NOS1AP: variants seen among roughly 807,000 people sequenced by gnomAD.
NOS1AP encodes carboxyl-terminal PDZ ligand of neuronal nitric oxide synthase protein.
In NOS1AP, 21 loss-of-function variants were observed where a neutral mutation model predicts 56.2. That is an observed-to-expected ratio of 0.37 (90% CI 0.26 to 0.54). The LOEUF is 0.54. NOS1AP is among the 20% of genes least tolerant of loss of function. The probability of loss-of-function intolerance (pLI) is 0.84; values close to 1 mark genes in which losing one functional copy is unlikely to be tolerated. For synonymous variants in NOS1AP, 270 were observed against 274.6 expected (o/e 0.98, Z 0.17); for missense variants, 522 against 657.8 (o/e 0.79, Z 2.26).
intron 1 of NOS1AP, among the ~76,000 whole-genome samples, chr1:162,117,192 T>C (rs1647996922): frequency 6.6e-6 from 1 of 152,216 alleles, no homozygotes; most frequent in Non-Finnish European, 1.5e-5. Context: ...GCTCATTTTA[T>C]GCATTTTGTT....
At position 162,369,327 on chromosome 1, in the gene NOS1AP, C is replaced by T. The variant is rs1003410306; in HGVS notation, c.*1860C>T. The T allele has an allele frequency of 1.3e-5, 2 of 152,146 alleles. No individual in the cohort carries two copies. The highest frequency in any genetic ancestry group is 4.8e-5 in the African/African-American group (2 of 41,438). The allele number at this position is 152,146 out of a possible 1,614,324, so 9.4% of individuals were successfully genotyped here. On this transcript the variant is annotated 3_prime_UTR_variant, in exon 10 of 10. Coordinates refer to ENST00000361897, the MANE Select transcript of NOS1AP (RefSeq NM_014697.3). ...GAAGGAAGAACCAGGAAAGTGAGAT[C>T]CATGAAACTAAATGAGCAGCTGTCA...
chr1:162,350,264 TTGTCA>T (rs1657448969), intron 6 of NOS1AP, among the ~76,000 whole-genome samples: 1 of 152,254 alleles, frequency 6.6e-6, no homozygotes, highest in Non-Finnish European at 1.5e-5. Context: ...AAGTGCTGTC[TTGTCA>T]TGTCTTTTCA....
chr1:162,252,043 CTTTTTGTTTTT>C (rs532371459), intron 2 of NOS1AP, among the ~76,000 whole-genome samples: 3 of 151,454 alleles, frequency 2.0e-5, no homozygotes, highest in Non-Finnish European at 4.4e-5. Context: ...ATTCTTTTTT[CTTTTTGTTTTT>C]TTTGAGACAG....
intron 1 of NOS1AP, among the ~76,000 whole-genome samples, chr1:162,135,606 G>A (rs998441040): frequency 7.9e-5 from 12 of 152,186 alleles, no homozygotes; most frequent in African/African-American, 2.9e-4. Context: ...GGAGGTTGCA[G>A]ACCCAGGTTT....
At chr1:162,339,401 TAA>T (rs5778267) in intron 5 of NOS1AP, among the ~76,000 whole-genome samples, 44,544 of 149,662 alleles carry the variant, frequency 0.3, 6,799 homozygotes, top group East Asian at 0.53. Flanking sequence ...ATGCTTTTTT[TAA>T]AAAAAAAAAA....
At chr1:162,149,993 A>G (rs1649642299) in intron 1 of NOS1AP, among the ~76,000 whole-genome samples, 1 of 152,192 alleles carries the variant, frequency 6.6e-6, no homozygotes, top group African/African-American at 2.4e-5. Context: ...TAATCCAATT[A>G]CATTCTTTCT....
intron 2 of NOS1AP, among the ~76,000 whole-genome samples, chr1:162,257,505 T>C (rs1654071004): frequency 6.6e-6 from 1 of 151,762 alleles, no homozygotes; most frequent in Non-Finnish European, 1.5e-5. Flanking sequence ...AAAAATTAGC[T>C]GGGTGTGGTG....
chr1:162,251,066 TTTTGTTTGTTTG>T (rs57225935), intron 2 of NOS1AP, among the ~76,000 whole-genome samples: 3 of 151,142 alleles, frequency 2.0e-5, no homozygotes, highest in African/African-American at 4.9e-5. Context: ...TCCTGAGCTT[TTTTGTTTGTTTG>T]TTTGTTTGTT....
chr1:162,318,385 C>T (rs1279763484), intron 4 of NOS1AP, among the ~76,000 whole-genome samples: 2 of 152,166 alleles, frequency 1.3e-5, no homozygotes, highest in Non-Finnish European at 2.9e-5. Flanking sequence ...CTTGCTAAGG[C>T]CACCAGGGAT....
chr1:162,152,555 A>C (rs1339006451), intron 1 of NOS1AP, among the ~76,000 whole-genome samples: 1 of 152,232 alleles, frequency 6.6e-6, no homozygotes, highest in Non-Finnish European at 1.5e-5. Flanking sequence ...AACCACAGTT[A>C]AATCTGGCCA....
intron 4 of NOS1AP, among the ~76,000 whole-genome samples, chr1:162,319,480 C>T (rs574948998): frequency 6.6e-6 from 1 of 152,294 alleles, no homozygotes; most frequent in South Asian, 2.1e-4. Flanking sequence ...TTGGCCCTGA[C>T]CTCCTTCTGT....
At chr1:162,123,802 G>A (rs1384195167) in intron 1 of NOS1AP, among the ~76,000 whole-genome samples, 2 of 151,796 alleles carry the variant, frequency 1.3e-5, no homozygotes, top group Admixed American at 6.6e-5. Context: ...CACACACATT[G>A]TTTTTTTCTT....
intron 1 of NOS1AP, among the ~76,000 whole-genome samples, chr1:162,102,485 C>T (rs1439930349): frequency 6.6e-6 from 1 of 152,174 alleles, no homozygotes; most frequent in Non-Finnish European, 1.5e-5. Context: ...AGGAGTCCCT[C>T]CTTTTCAATT....
chr1:162,147,149 GA>G (rs1649496685), intron 1 of NOS1AP, among the ~76,000 whole-genome samples: 1 of 152,000 alleles, frequency 6.6e-6, no homozygotes, highest in African/African-American at 2.4e-5. Context: ...CTAACATGGT[GA>G]AACCCTGTCT....
intron 2 of NOS1AP, among the ~76,000 whole-genome samples, chr1:162,232,663 A>G (rs916839524): frequency 6.6e-6 from 1 of 152,070 alleles, no homozygotes; most frequent in Admixed American, 6.5e-5. Context: ...ACCTGCCTCA[A>G]TTTTATGCTG....
rs2102152933 is a variant in NOS1AP at position 162,188,688 on chromosome 1, A to G, written c.177+34212A>G. On this transcript the variant is annotated intron_variant, in intron 2 of 9. Transcript: ENST00000361897. The surrounding 1 kb of genome is among the most constrained non-coding windows in gnomAD (Gnocchi z 4.0). ...GTCTTATGTGCCTTCCTTGAAGTGC[A>G]GTGAGTTTTGTTGAATGATAACAGT... is the stretch of plus-strand genomic sequence containing the variant. Among the ~76,000 whole-genome samples the G allele has an allele frequency of 6.6e-6, 1 of 152,356 alleles. No homozygotes were observed. The highest frequency in any genetic ancestry group is 3.4e-3 in the Middle Eastern group (1 of 294).
chr1:162,079,498 A>G (rs1309281619), intron 1 of NOS1AP, among the ~76,000 whole-genome samples: 1 of 152,174 alleles, frequency 6.6e-6, no homozygotes, highest in Non-Finnish European at 1.5e-5. Context: ...TCAGGAGCCA[A>G]ACTGTGTTTG....
chr1:162,078,088 T>C (rs1468148919), intron 1 of NOS1AP, among the ~76,000 whole-genome samples: 1 of 152,188 alleles, frequency 6.6e-6, no homozygotes, highest in African/African-American at 2.4e-5. Flanking sequence ...CCTCCTTCTT[T>C]TGTGGCTGTT....
intron 4 of NOS1AP, among the ~76,000 whole-genome samples, chr1:162,328,367 ATAAACT>A (rs1460306383): frequency 1.3e-5 from 2 of 152,238 alleles, no homozygotes; most frequent in African/African-American, 4.8e-5. Context: ...GGAACTTAAA[ATAAACT>A]TAAGAAAGGA....
Sources: gnomAD v4.1 joint callset for allele counts (sites outside exome capture counted in the v4.1 genomes callset) on GRCh38, gnomAD v4.1.1 for gene constraint, Gnocchi (gnomAD v3.1) non-coding constraint, MANE v1.5 for transcripts, NCBI Gene and HGNC (gene_info 2026-07-23, HGNC 2026-07-21) for gene names.